MAP4K5: variants seen among roughly 807,000 people sequenced by gnomAD.
The protein encoded by MAP4K5 is mitogen-activated protein kinase kinase kinase kinase 5.
MAP4K5 carries 82 observed loss-of-function variants against 135.6 expected under a neutral mutation model. That is an observed-to-expected ratio of 0.60 (90% CI 0.51 to 0.73). The LOEUF (loss-of-function observed/expected upper bound fraction) is 0.73, where lower values mean the gene tolerates loss of function less well. MAP4K5 is among the 30% of genes least tolerant of loss of function. MAP4K5 has a pLI of 0.00. For synonymous variants in MAP4K5, 347 were observed against 335.0 expected, an observed-to-expected ratio of 1.04 and a Z score of -0.39; for missense variants, 907 against 1,010.9, an observed-to-expected ratio of 0.90 and a Z score of 1.39.
Position 50,476,108 on chromosome 14 carries a change from A to G in MAP4K5, c.469+20T>C. 3 of 1,395,440 alleles carry G rather than the reference A, an allele frequency of 2.1e-6. No individual in the cohort carries two copies. Among genetic ancestry groups the G allele is most frequent in the Non-Finnish European group, 2.9e-6 (3 of 1,050,808 alleles). The allele number at this position is 1,395,440 out of a possible 1,614,324, so 86.4% of individuals were successfully genotyped here. A position where few individuals can be genotyped will look rare whatever the true frequency, so the allele number is the denominator to read the frequency against. On this transcript the variant is annotated intron_variant, in intron 8 of 32. Coordinates refer to ENST00000682126, the MANE Select transcript of MAP4K5 (RefSeq NM_006575.6). ...TCATTAAATTTTTGGAAAAAATTTT[A>G]GGAATTTGAAATAACATACCTAATT...
chr14:50,488,014 T>C (rs571542769), intron 3 of MAP4K5, among the ~76,000 whole-genome samples: 2 of 152,168 alleles, frequency 1.3e-5, no homozygotes, highest in East Asian at 3.9e-4. Context: ...TTAACACATA[T>C]ATATATAGTC....
intron 2 of MAP4K5, among the ~76,000 whole-genome samples, chr14:50,523,219 G>C (rs2038187855): frequency 6.6e-6 from 1 of 152,162 alleles, no homozygotes; most frequent in Non-Finnish European, 1.5e-5. Flanking sequence ...GCTGAGGCAG[G>C]AGAATCGCTT....
intron 11 of MAP4K5, among the ~76,000 whole-genome samples, chr14:50,464,457 T>G (rs12588585): frequency 0.86 from 131,189 of 152,124 alleles, 58,321 homozygotes; most frequent in Non-Finnish European, 0.96. Flanking sequence ...ATAATTTACC[T>G]AGTATGTAAA....
chr14:50,424,324 ATGACTG>A (rs2035797166), intron 31 of MAP4K5, among the ~76,000 whole-genome samples: 2 of 152,190 alleles, frequency 1.3e-5, no homozygotes, highest in African/African-American at 4.8e-5. Flanking sequence ...TGTGCCTGGA[ATGACTG>A]AGTATTACTT....
In MAP4K5 at chr14:50,446,121, T is replaced by C. The variant is rs376192930; in HGVS notation, c.1143A>G (p.Lys381=). The change falls in exon 17 of 33, where the codon AAA becomes AAG. Residue 381 remains lysine, a splice_region_variant and synonymous_variant. Transcript: ENST00000682126. ...GTGGTATTGCACGTTTTGAGGTTGA[T>C]CTAATACAAAGAAGAAATGCAATTT... is the stretch of plus-strand genomic sequence containing the variant. ...NPFVDGANTG[K]STSKRAIPPP... 7.0e-5 allele frequency: 110 copies of C among 1,566,578 alleles called. No homozygotes were observed. Among genetic ancestry groups the C allele is most frequent in the Middle Eastern group, 5.2e-4 (3 of 5,806 alleles).
intron 2 of MAP4K5, among the ~76,000 whole-genome samples, chr14:50,527,106 C>T (rs2038282638): frequency 6.6e-6 from 1 of 152,042 alleles, no homozygotes; most frequent in Non-Finnish European, 1.5e-5. Flanking sequence ...TTTGGGAGGC[C>T]AAGGTGGGCA....
At chr14:50,460,936 G>A (rs2036697924) in intron 13 of MAP4K5, among the ~76,000 whole-genome samples, 1 of 152,168 alleles carries the variant, frequency 6.6e-6, no homozygotes, top group Non-Finnish European at 1.5e-5. Context: ...ATAAAGGACT[G>A]TTTTGATATT....
chr14:50,508,712 T>TA (rs372492967), intron 2 of MAP4K5, among the ~76,000 whole-genome samples: 118 of 140,516 alleles, frequency 8.4e-4, no homozygotes, highest in Admixed American at 2.5e-3. Flanking sequence ...ACTTAAAGTA[T>TA]AAAAAAAAAA....
At chr14:50,511,318 A>G (rs1202329367) in intron 2 of MAP4K5, among the ~76,000 whole-genome samples, 1 of 152,230 alleles carries the variant, frequency 6.6e-6, no homozygotes, top group Non-Finnish European at 1.5e-5. Context: ...AAAGTTAACC[A>G]TCACATGTTC....
At chr14:50,524,035 T>C (rs2038207747) in intron 2 of MAP4K5, among the ~76,000 whole-genome samples, 1 of 152,188 alleles carries the variant, frequency 6.6e-6, no homozygotes, top group South Asian at 2.1e-4. Flanking sequence ...CCATCCTATG[T>C]TTTTTCCTTT....
intron 6 of MAP4K5, among the ~76,000 whole-genome samples, chr14:50,479,005 G>GTT (rs371399947): frequency 2.0e-5 from 3 of 151,208 alleles, no homozygotes; most frequent in African/African-American, 7.3e-5. Context: ...AGTTTTTTTC[G>GTT]TTTTTTTTTT....
intron 2 of MAP4K5, among the ~76,000 whole-genome samples, chr14:50,525,223 T>C (rs1024590267): frequency 6.6e-6 from 1 of 152,164 alleles, no homozygotes; most frequent in East Asian, 1.9e-4. Context: ...ATGCCTTATG[T>C]TCAAAACCAA....
intron 32 of MAP4K5, among the ~76,000 whole-genome samples, chr14:50,422,535 C>CT (rs1286628103): frequency 1.3e-5 from 2 of 150,834 alleles, no homozygotes; most frequent in African/African-American, 2.4e-5. Flanking sequence ...ATTTTATTAG[C>CT]TATAGAAGTA....
chr14:50,521,858 G>A (rs763310122), intron 2 of MAP4K5, among the ~76,000 whole-genome samples: 2 of 152,020 alleles, frequency 1.3e-5, no homozygotes, highest in African/African-American at 2.4e-5. Flanking sequence ...AGTACTTCAC[G>A]TCACTGGAAA....
chr14:50,456,157 A>G (rs2036590304), intron 14 of MAP4K5: 1 of 273,596 alleles, frequency 3.7e-6, no homozygotes, highest in Non-Finnish European at 7.0e-6. Flanking sequence ...AATTTTATGC[A>G]TAGCATAAAT....
Position 50,434,451 on chromosome 14 carries a change from G to C in MAP4K5, c.2107C>G (p.Gln703Glu), listed in dbSNP as rs2139668633. 2 of 1,609,980 alleles carry C rather than the reference G, an allele frequency of 1.2e-6. No individual in the cohort carries two copies. The highest frequency in any genetic ancestry group is 1.7e-6 in the Non-Finnish European group (2 of 1,178,034). ...SKGTESNQVV[Q>E]FETINLNSAS... ...GAGTTCAAATTGATTGTCTCAAACT[G>C]AACTACCTGATTCGATTCAGTGCCT... Residue 703 changes from glutamine (Q) to glutamate (E), a missense_variant, in exon 28 of 33, where the codon CAG (glutamine) becomes GAG (glutamate). This residue lies in a region of MAP4K5 where 690 missense variants were observed against 777.4 expected (regional missense o/e 0.89). Transcript: ENST00000682126.
At chr14:50,535,894 A>C (rs552481835), upstream of MAP4K5, among the ~76,000 whole-genome samples, 8 of 152,302 alleles carry the variant, frequency 5.3e-5, no homozygotes, top group African/African-American at 1.9e-4. Context: ...CATGAGGGCA[A>C]GTCTTTCCCA....
At chr14:50,530,060 T>G (rs576822058) in intron 2 of MAP4K5, among the ~76,000 whole-genome samples, 1 of 152,302 alleles carries the variant, frequency 6.6e-6, no homozygotes, top group South Asian at 2.1e-4. Context: ...CTTAAGGATG[T>G]TTAGAATCAG....
At chr14:50,555,334 T>G (rs2038753088) in intron 1 of MAP4K5, among the ~76,000 whole-genome samples, 1 of 152,348 alleles carries the variant, frequency 6.6e-6, no homozygotes. Flanking sequence ...CAGGCTGGAG[T>G]GCAGTGGCGT....
Sources: allele counts gnomAD v4.1 joint callset (sites outside exome capture counted in the v4.1 genomes callset), GRCh38; gene constraint gnomAD v4.1.1; regional missense constraint gnomAD v4.1.1; transcripts MANE v1.5; gene names NCBI Gene and HGNC (gene_info 2026-07-23, HGNC 2026-07-21).